The following RBFOX1 variants were observed in gnomAD, a reference collection of about 807,000 sequenced individuals.
RBFOX1 encodes RNA binding fox-1 homolog 1, also known as RNA binding protein fox-1 homolog 1.
Under a neutral mutation model 57.7 loss-of-function variants are expected in RBFOX1, and 8 were observed. That is an observed-to-expected ratio of 0.14 (90% CI 0.08 to 0.25). RBFOX1 has a LOEUF of 0.25. Among genes scored for constraint, RBFOX1 ranks in the 10% least tolerant of loss-of-function variants. The pLI, the probability that RBFOX1 is intolerant of heterozygous loss-of-function variation, is 1.00. For synonymous variants in RBFOX1, 326 were observed against 222.4 expected, an observed-to-expected ratio of 1.47 and a Z score of -4.15; for missense variants, 611 against 548.5, an observed-to-expected ratio of 1.11 and a Z score of -1.14.
At chr16:5,590,040 G>A (rs1472311780) in intron 2 of RBFOX1, among the ~76,000 whole-genome samples, 1 of 108,358 alleles carries the variant, frequency 9.2e-6, no homozygotes. Flanking sequence ...AGAGGAGTCT[G>A]CGTGTTACAC....
intron 4 of RBFOX1, among the ~76,000 whole-genome samples, chr16:7,117,877 C>T (rs966376335): frequency 2.6e-5 from 4 of 152,116 alleles, no homozygotes; most frequent in African/African-American, 9.7e-5. Flanking sequence ...GTTGTAGCTG[C>T]AGGATTCGTG....
chr16:5,611,741 TCCATCCATTCACCCTTCTTTTCAGTCTC>T (rs1169517833), intron 3 of RBFOX1, among the ~76,000 whole-genome samples: 22 of 143,818 alleles, frequency 1.5e-4, no homozygotes, highest in Non-Finnish European at 1.8e-4. Flanking sequence ...CATCCATCCA[TCCATCCATTCACCCTTCTTTTCAGTCTC>T]CCATCCATCC....
At chr16:7,082,740 C>G (rs1390205510) in intron 4 of RBFOX1, among the ~76,000 whole-genome samples, 1 of 152,054 alleles carries the variant, frequency 6.6e-6, no homozygotes, top group East Asian at 1.9e-4. Flanking sequence ...ATTAATGTAT[C>G]ACAATGGCAT....
chr16:5,884,166 T>C (rs921259975), intron 4 of RBFOX1, among the ~76,000 whole-genome samples: 1 of 152,122 alleles, frequency 6.6e-6, no homozygotes, highest in African/African-American at 2.4e-5. Context: ...AAATAGCAAG[T>C]TGTCAGTAAA....
At chr16:5,332,945 G>C (rs1056712892) in intron 1 of RBFOX1, among the ~76,000 whole-genome samples, 1 of 152,136 alleles carries the variant, frequency 6.6e-6, no homozygotes, top group Non-Finnish European at 1.5e-5. Context: ...CAGCACTTTG[G>C]GAGGCCAAGG....
intron 2 of RBFOX1, among the ~76,000 whole-genome samples, chr16:6,561,701 A>G (rs80295799): frequency 0.012 from 1,845 of 152,248 alleles, 39 homozygotes; most frequent in African/African-American, 0.042. Flanking sequence ...TTGCTGGAAG[A>G]TTGCTAATGA....
At chr16:5,910,913 G>A (rs1215169036) in intron 4 of RBFOX1, among the ~76,000 whole-genome samples, 1 of 152,154 alleles carries the variant, frequency 6.6e-6, no homozygotes, top group Non-Finnish European at 1.5e-5. Context: ...TCCTCTGGAT[G>A]GGATAACTCT....
At chr16:6,971,338 G>C (rs1028672330) in intron 3 of RBFOX1, among the ~76,000 whole-genome samples, 11 of 152,156 alleles carry the variant, frequency 7.2e-5, no homozygotes, top group Non-Finnish European at 1.6e-4. Context: ...CCATGGAAGA[G>C]CAATCCAGGC....
intron 3 of RBFOX1, among the ~76,000 whole-genome samples, chr16:5,718,736 A>G (rs2051813188): frequency 6.6e-6 from 1 of 152,142 alleles, no homozygotes; most frequent in Non-Finnish European, 1.5e-5. Flanking sequence ...GTGGAATCCC[A>G]TCTCTAATAA....
chr16:5,645,863 T>G (rs564925369), intron 3 of RBFOX1, among the ~76,000 whole-genome samples: 75 of 152,210 alleles, frequency 4.9e-4, no homozygotes, highest in African/African-American at 1.7e-3. Context: ...AGACAAAGGG[T>G]CTTGCTATGT....
chr16:7,655,638 A>G (rs2066126811), intron 12 of RBFOX1, among the ~76,000 whole-genome samples: 1 of 152,228 alleles, frequency 6.6e-6, no homozygotes, highest in Non-Finnish European at 1.5e-5. Flanking sequence ...GAAAATCCCA[A>G]GTTACCTTTG....
intron 1 of RBFOX1, among the ~76,000 whole-genome samples, chr16:6,088,823 G>A (rs1054099069): frequency 7.2e-5 from 11 of 152,112 alleles, no homozygotes; most frequent in East Asian, 3.9e-4. Context: ...CCGGCCAGGC[G>A]CGGTGGCTCA....
At chr16:5,795,535 C>T (rs2054849592) in intron 3 of RBFOX1, among the ~76,000 whole-genome samples, 1 of 152,130 alleles carries the variant, frequency 6.6e-6, no homozygotes, top group African/African-American at 2.4e-5. Context: ...AAACAATCCT[C>T]CTGCCTTGGC....
chr16:7,292,329 TCATA>T (rs1221763731), intron 4 of RBFOX1, among the ~76,000 whole-genome samples: 12 of 133,180 alleles, frequency 9.0e-5, no homozygotes, highest in Non-Finnish European at 1.9e-4. Context: ...ATATCATATA[TCATA>T]CATGATATAT....
intron 2 of RBFOX1, among the ~76,000 whole-genome samples, chr16:6,508,863 T>C (rs1432075649): frequency 7.8e-6 from 1 of 128,798 alleles, no homozygotes; most frequent in African/African-American, 3.1e-5. Context: ...AACCTACGAA[T>C]CATAACAAAA....
intron 3 of RBFOX1, among the ~76,000 whole-genome samples, chr16:5,674,930 C>G (rs75854445): frequency 6.6e-6 from 1 of 151,950 alleles, no homozygotes; most frequent in Admixed American, 6.6e-5. Context: ...GAGGATTGCT[C>G]GATCCCAGGA....
chr16:6,650,377 C>A (rs1042246195), intron 2 of RBFOX1, among the ~76,000 whole-genome samples: 3 of 151,932 alleles, frequency 2.0e-5, no homozygotes, highest in African/African-American at 7.3e-5. Flanking sequence ...GACCAAACCA[C>A]CTTGAGGAAA....
chr16:5,806,396 C>G (rs2055227513), intron 3 of RBFOX1, among the ~76,000 whole-genome samples: 1 of 152,166 alleles, frequency 6.6e-6, no homozygotes, highest in Non-Finnish European at 1.5e-5. Context: ...ATGCTATGTA[C>G]TCACATGATG....
At chr16:6,955,286 G>A (rs577554337) in intron 3 of RBFOX1, among the ~76,000 whole-genome samples, 3 of 151,808 alleles carry the variant, frequency 2.0e-5, no homozygotes, top group African/African-American at 4.8e-5. Context: ...ACTCCCTAGC[G>A]TACGATTAAG....
Sources: gnomAD v4.1 joint callset for allele counts (sites outside exome capture counted in the v4.1 genomes callset) on GRCh38, gnomAD v4.1.1 for gene constraint, MANE v1.5 for transcripts, NCBI Gene and HGNC (gene_info 2026-07-23, HGNC 2026-07-21) for gene names.